MGAT4C: variants seen among roughly 807,000 people sequenced by gnomAD.
MGAT4C encodes alpha-1,3-mannosyl-glycoprotein 4-beta-N-acetylglucosaminyltransferase C.
MGAT4C carries 19 observed loss-of-function variants against 40.1 expected under a neutral mutation model. That is an observed-to-expected ratio of 0.47 (90% CI 0.33 to 0.70). The LOEUF is 0.70. MGAT4C is among the 30% of genes least tolerant of loss of function. The pLI is 0.02. For synonymous variants in MGAT4C, 181 were observed against 187.1 expected (o/e 0.97, Z 0.27); for missense variants, 491 against 563.2 (o/e 0.87, Z 1.30).
chr12:86,424,081 C>A (rs1044584787), intron 3 of MGAT4C, among the ~76,000 whole-genome samples: 3 of 152,144 alleles, frequency 2.0e-5, no homozygotes, highest in South Asian at 2.1e-4. Flanking sequence ...AAAGAGAGAT[C>A]TCTCTTCATA....
intron 2 of MGAT4C, among the ~76,000 whole-genome samples, chr12:86,680,594 A>ACTG (rs1565921520): frequency 6.6e-6 from 1 of 152,082 alleles, no homozygotes; most frequent in Non-Finnish European, 1.5e-5. Flanking sequence ...CACAGACACG[A>ACTG]CTGCATTTTT....
chr12:86,801,965 T>C (rs1268884804), intron 1 of MGAT4C, among the ~76,000 whole-genome samples: 2 of 151,948 alleles, frequency 1.3e-5, no homozygotes, highest in African/African-American at 4.8e-5. Flanking sequence ...CATTGTTTTC[T>C]ACCAGCCACT....
At chr12:86,001,540 T>C in intron 2 of MGAT4C, 2 of 695,090 alleles carry the variant, frequency 2.9e-6, no homozygotes, top group Non-Finnish European at 3.5e-6. Flanking sequence ...GGATGAGCCA[T>C]TGGTGATTTC....
intron 2 of MGAT4C, among the ~76,000 whole-genome samples, chr12:86,448,349 T>C (rs144528153): frequency 6.6e-6 from 1 of 152,306 alleles, no homozygotes; most frequent in Admixed American, 6.5e-5. Context: ...GTTAGTTTCC[T>C]GGAAATCTTA....
At chr12:86,225,089 AAAAAAGAGATTTTATAACTGAC>A (rs566051520) in intron 1 of MGAT4C, among the ~76,000 whole-genome samples, 2,499 of 152,180 alleles carry the variant, frequency 0.016, 26 homozygotes, top group Non-Finnish European at 0.025. Context: ...TCAGAAATGA[AAAAAAGAGATTTTATAACTGAC>A]AAAAAGAGAT....
chr12:86,508,431 G>C (rs1227436701), intron 2 of MGAT4C, among the ~76,000 whole-genome samples: 1 of 152,072 alleles, frequency 6.6e-6, no homozygotes, highest in Non-Finnish European at 1.5e-5. Context: ...GTGTATATGT[G>C]CCACATTTTC....
chr12:86,523,254 G>A (rs543636929), intron 2 of MGAT4C, among the ~76,000 whole-genome samples: 114 of 152,106 alleles, frequency 7.5e-4, no homozygotes, highest in African/African-American at 2.5e-3. Context: ...TCTTAATACT[G>A]CCTTTGCTGT....
rs1883693120 is a variant in MGAT4C at position 85,972,845 on chromosome 12, T to C, written c.*6444A>G. The stretch of plus-strand genomic sequence containing the variant: ...AACAAAGTTTAAGTGTGGCAGAAAA[T>C]ACATACATATGTTTAAAAGTAGGGA... On this transcript the variant is annotated 3_prime_UTR_variant, in exon 5 of 5. Coordinates refer to ENST00000611864, the MANE Select transcript of MGAT4C (RefSeq NM_001351288.2). 6.6e-6 allele frequency: 1 copy of C among 150,956 alleles called. No homozygotes were observed. The highest frequency in any genetic ancestry group is 2.1e-4 in the South Asian group (1 of 4,830). The allele number at this position is 150,956 out of a possible 1,614,324, so 9.4% of individuals were successfully genotyped here.
Position 86,401,368 on chromosome 12 carries a change from G to T in MGAT4C, c.-120+33789C>A, listed in dbSNP as rs370188388. On this transcript the variant is annotated intron_variant, in intron 3 of 7. Coordinates refer to the MGAT4C transcript ENST00000548651. ...TTATAAAGCCCCTATTAAGTTAATGGCAGAGTAAAAAGCCATAGAATAACA... is the reference window on the plus strand; with the variant it reads ...TTATAAAGCCCCTATTAAGTTAATGTCAGAGTAAAAAGCCATAGAATAACA... Among the ~76,000 whole-genome samples, 21 of 151,092 alleles carry T rather than the reference G, an allele frequency of 1.4e-4. No homozygotes were observed. In the East Asian group the frequency reaches 3.5e-3, roughly 25 times the overall value.
chr12:86,058,674 T>TAATTC (rs1256433532), intron 1 of MGAT4C, among the ~76,000 whole-genome samples: 1 of 152,156 alleles, frequency 6.6e-6, no homozygotes, highest in Non-Finnish European at 1.5e-5. Flanking sequence ...GAAATGAAAT[T>TAATTC]AATTCATGGT....
intron 1 of MGAT4C, among the ~76,000 whole-genome samples, chr12:86,772,070 A>C (rs1055382442): frequency 3.9e-5 from 6 of 152,172 alleles, no homozygotes; most frequent in African/African-American, 1.2e-4. Context: ...CCATACTGCA[A>C]AAAATCAGAA....
chr12:86,460,771 A>C (rs1218414963), intron 2 of MGAT4C, among the ~76,000 whole-genome samples: 1 of 152,140 alleles, frequency 6.6e-6, no homozygotes, highest in East Asian at 1.9e-4. Context: ...ATAGAGTTTG[A>C]GAGCCACTAG....
intron 1 of MGAT4C, among the ~76,000 whole-genome samples, chr12:86,780,345 C>T (rs1371351968): frequency 1.3e-5 from 2 of 151,646 alleles, no homozygotes; most frequent in Non-Finnish European, 2.9e-5. Context: ...GCAGTGAAGT[C>T]TGGGCTGAGA....
At chr12:86,645,722 T>C (rs1963523139) in intron 2 of MGAT4C, among the ~76,000 whole-genome samples, 1 of 151,780 alleles carries the variant, frequency 6.6e-6, no homozygotes. Flanking sequence ...GGCAGATACT[T>C]TCTACATTTC....
intron 3 of MGAT4C, among the ~76,000 whole-genome samples, chr12:86,434,878 T>C (rs1957110703): frequency 6.6e-6 from 1 of 151,868 alleles, no homozygotes; most frequent in South Asian, 2.1e-4. Context: ...AGATCTACAG[T>C]ATAAACATAA....
intron 4 of MGAT4C, among the ~76,000 whole-genome samples, chr12:86,279,228 A>AT (rs1459127614): frequency 1.3e-5 from 2 of 152,052 alleles, no homozygotes; most frequent in Non-Finnish European, 2.9e-5. Flanking sequence ...TTTGAATAGG[A>AT]TTGATATTAG....
Position 86,774,396 on chromosome 12 carries a change from CCTCTCTCTCTCT to C in MGAT4C, c.-261-47167_-261-47156del, listed in dbSNP as rs148122088. 2.2e-5 allele frequency among the ~76,000 whole-genome samples: 2 copies of C among 92,194 alleles called. 1 individual carries two copies. The allele number at this position is 92,194 out of a possible 152,430, so 60.5% of individuals were successfully genotyped here. A position where few individuals can be genotyped will look rare whatever the true frequency, so the allele number is the denominator to read the frequency against. Reference sequence around the variant, plus strand: ...TTTCTGTCTGTCTCTCTCTCTCTCTCCTCTCTCTCTCTCTCTCTCTCTCTCTTTCTTTCTTTC... The same window carrying C: ...TTTCTGTCTGTCTCTCTCTCTCTCTCCTCTCTCTCTCTCTTTCTTTCTTTC... On this transcript the variant is annotated intron_variant, in intron 1 of 7. Transcript: ENST00000548651.
At chr12:86,671,429 A>T (rs1187800703) in intron 2 of MGAT4C, among the ~76,000 whole-genome samples, 1 of 152,172 alleles carries the variant, frequency 6.6e-6, no homozygotes, top group East Asian at 1.9e-4. Flanking sequence ...TCTCAGCAGA[A>T]ATCTTACATG....
intron 2 of MGAT4C, among the ~76,000 whole-genome samples, chr12:86,545,489 T>C (rs973056768): frequency 2.6e-5 from 4 of 151,930 alleles, no homozygotes; most frequent in African/African-American, 9.7e-5. Context: ...ATATAGCACA[T>C]ATTTGATATT....
Sources: gnomAD v4.1 joint callset for allele counts (sites outside exome capture counted in the v4.1 genomes callset) on GRCh38, gnomAD v4.1.1 for gene constraint, MANE v1.5 for transcripts, NCBI Gene and HGNC (gene_info 2026-07-23, HGNC 2026-07-21) for gene names.